The following RPSA2 variants were observed in gnomAD, a reference collection of about 807,000 sequenced individuals.
RPSA2 encodes small ribosomal subunit protein uS2B.
At chr19:23,870,865 G>T in the RPSA2 span, among the ~76,000 whole-genome samples, 1 of 152,180 alleles carries the variant, frequency 6.6e-6, no homozygotes, top group Non-Finnish European at 1.5e-5. Flanking sequence ...TATGATCAAA[G>T]AGCAAACTGT....
chr19:23,781,590 C>T, the RPSA2 span, among the ~76,000 whole-genome samples: 47 of 152,126 alleles, frequency 3.1e-4, no homozygotes, highest in Admixed American at 5.2e-4. Context: ...CTGCCCACCT[C>T]GGCCTCCCAA....
the RPSA2 span, among the ~76,000 whole-genome samples, chr19:23,787,051 G>T: frequency 6.6e-6 from 1 of 152,094 alleles, no homozygotes; most frequent in Non-Finnish European, 1.5e-5. Context: ...CAGGTGATGT[G>T]GGTCTCATCT....
At chr19:23,842,817 A>G in the RPSA2 span, 12 of 152,330 alleles carry the variant, frequency 7.9e-5, no homozygotes, top group East Asian at 1.3e-3. Flanking sequence ...TTGAAATAGA[A>G]AAGAAAATCT....
At chr19:23,759,698 A>G in the RPSA2 span, among the ~76,000 whole-genome samples, 39 of 151,364 alleles carry the variant, frequency 2.6e-4, no homozygotes, top group South Asian at 7.7e-3. Flanking sequence ...TAATTTTTGC[A>G]TTTTTAGTAG....
chr19:23,775,029 T>C, the RPSA2 span, among the ~76,000 whole-genome samples: 1 of 152,214 alleles, frequency 6.6e-6, no homozygotes, highest in Non-Finnish European at 1.5e-5. Context: ...ACAAACTATC[T>C]TTCATATGTG....
At chr19:23,870,279 A>G in the RPSA2 span, among the ~76,000 whole-genome samples, 1 of 152,224 alleles carries the variant, frequency 6.6e-6, no homozygotes, top group East Asian at 1.9e-4. Flanking sequence ...CAGCCAACTA[A>G]GCATGGCTAC....
the RPSA2 span, among the ~76,000 whole-genome samples, chr19:23,808,308 C>A: frequency 1.8e-5 from 2 of 112,054 alleles, no homozygotes; most frequent in Non-Finnish European, 3.4e-5. Context: ...CTTGCTCTGT[C>A]ACCCAGGCTA....
At chr19:23,863,583 A>G in the RPSA2 span, among the ~76,000 whole-genome samples, 1 of 127,474 alleles carries the variant, frequency 7.8e-6, no homozygotes, top group Non-Finnish European at 1.7e-5. Flanking sequence ...AAAAAAAAAA[A>G]AGGCACTCTA....
the RPSA2 span, among the ~76,000 whole-genome samples, chr19:23,812,355 T>TA: frequency 6.6e-6 from 1 of 151,770 alleles, no homozygotes; most frequent in African/African-American, 2.4e-5. Context: ...GCTTATCTTG[T>TA]ATATATTCTT....
the RPSA2 span, among the ~76,000 whole-genome samples, chr19:23,806,003 CT>C: frequency 4.9e-5 from 6 of 122,008 alleles, no homozygotes; most frequent in African/African-American, 1.4e-4. Flanking sequence ...ATCTGTCTGT[CT>C]ATCTATCTAT....
At chr19:23,805,216 G>A in the RPSA2 span, among the ~76,000 whole-genome samples, 1 of 151,686 alleles carries the variant, frequency 6.6e-6, no homozygotes, top group Non-Finnish European at 1.5e-5. Context: ...CCAGGCTGGA[G>A]TGCAATGGTG....
At chr19:23,759,034 C>T in the RPSA2 span, 10 of 542,488 alleles carry the variant, frequency 1.8e-5, no homozygotes, top group Non-Finnish European at 3.2e-6. Flanking sequence ...TGATCAGATG[C>T]TCTGCTGAAT....
chr19:23,814,393 G>C, the RPSA2 span, among the ~76,000 whole-genome samples: 7 of 152,164 alleles, frequency 4.6e-5, no homozygotes, highest in East Asian at 1.4e-3. Context: ...AATTTTGTGG[G>C]AGATTATTTG....
At chr19:23,777,874 A>G in the RPSA2 span, among the ~76,000 whole-genome samples, 3 of 152,112 alleles carry the variant, frequency 2.0e-5, no homozygotes, top group Non-Finnish European at 2.9e-5. Flanking sequence ...ACTGCCTTCC[A>G]GTGATATTGT....
chr19:23,867,773 T>G, the RPSA2 span, among the ~76,000 whole-genome samples: 1 of 143,354 alleles, frequency 7.0e-6, no homozygotes, highest in South Asian at 2.1e-4. Context: ...GAGCTTGCAG[T>G]GAGCAGAGAT....
At chr19:23,808,149 T>C in the RPSA2 span, among the ~76,000 whole-genome samples, 4 of 152,324 alleles carry the variant, frequency 2.6e-5, no homozygotes, top group East Asian at 5.8e-4. Context: ...TCACTTTAGA[T>C]TATTGGTAAT....
chr19:23,770,793 C>G, the RPSA2 span, among the ~76,000 whole-genome samples: 1 of 152,096 alleles, frequency 6.6e-6, no homozygotes. Flanking sequence ...TAACCCTAAT[C>G]AAGCACCCAT....
At chr19:23,849,376 G>A in the RPSA2 span, among the ~76,000 whole-genome samples, 148,759 of 152,234 alleles carry the variant, frequency 0.98, 72,785 homozygotes, top group Middle Eastern at 1. Flanking sequence ...ATGCCAATTA[G>A]GGTCCCATAA....
the RPSA2 span, among the ~76,000 whole-genome samples, chr19:23,840,962 CAAAAAAAAA>C: frequency 1.3e-3 from 157 of 117,712 alleles, no homozygotes; most frequent in East Asian, 7.2e-3. Flanking sequence ...AACTCCGTCT[CAAAAAAAAA>C]AAAAAAAAAA....
Sources: gnomAD v4.1 joint callset for allele counts (sites outside exome capture counted in the v4.1 genomes callset) on GRCh38, gnomAD v4.1.1 for gene constraint, MANE v1.5 for transcripts, NCBI Gene and HGNC (gene_info 2026-07-23, HGNC 2026-07-21) for gene names.